SNTG1: variants seen among roughly 807,000 people sequenced by gnomAD.
SNTG1 encodes the protein syntrophin gamma 1.
In SNTG1, 39 loss-of-function variants were observed where a neutral mutation model predicts 74.7. That is an observed-to-expected ratio of 0.52 (90% confidence interval 0.40 to 0.68). SNTG1 has a LOEUF of 0.68. SNTG1 is among the 30% of genes least tolerant of loss of function. The pLI, the probability that SNTG1 is intolerant of heterozygous loss-of-function variation, is 0.00. For synonymous variants in SNTG1, 254 were observed against 217.1 expected (o/e 1.17, Z -1.49); for missense variants, 685 against 609.5 (o/e 1.12, Z -1.30).
intron 1 of SNTG1, among the ~76,000 whole-genome samples, chr8:49,951,873 C>CAAAAAAAAAAAAAAA (rs5891338): frequency 2.0e-4 from 11 of 56,298 alleles, no homozygotes; most frequent in African/African-American, 2.8e-4. Flanking sequence ...GGAAAATTCA[C>CAAAAAAAAAAAAAAA]AAAAAAAAAA....
At chr8:50,272,944 A>G (rs1347552099) in intron 2 of SNTG1, among the ~76,000 whole-genome samples, 1 of 151,304 alleles carries the variant, frequency 6.6e-6, no homozygotes, top group Non-Finnish European at 1.5e-5. Flanking sequence ...GAGTCTCGCT[A>G]TATTACCCAG....
intron 1 of SNTG1, among the ~76,000 whole-genome samples, chr8:50,166,856 C>T (rs927884974): frequency 4.0e-5 from 6 of 151,290 alleles, no homozygotes; most frequent in Non-Finnish European, 5.9e-5. Context: ...ACAATAGCAG[C>T]GACTTGGAAC....
chr8:50,462,372 CAT>C (rs2093571003), intron 8 of SNTG1, among the ~76,000 whole-genome samples: 1 of 140,178 alleles, frequency 7.1e-6, no homozygotes, highest in Non-Finnish European at 1.6e-5. Context: ...CTCAGTGAGT[CAT>C]AATCTTTTTG....
intron 2 of SNTG1, among the ~76,000 whole-genome samples, chr8:50,173,268 G>A (rs1210465452): frequency 6.6e-6 from 1 of 152,146 alleles, no homozygotes; most frequent in Non-Finnish European, 1.5e-5. Flanking sequence ...CTTTAGGAAG[G>A]AATCATACAC....
intron 1 of SNTG1, among the ~76,000 whole-genome samples, chr8:49,937,356 CG>C (rs1340235706): frequency 7.2e-5 from 11 of 152,208 alleles, no homozygotes; most frequent in African/African-American, 2.6e-4. Context: ...TAGAGGCCTG[CG>C]GGGACTTTTA....
At chr8:50,205,331 C>A (rs552216313) in intron 2 of SNTG1, among the ~76,000 whole-genome samples, 1 of 152,156 alleles carries the variant, frequency 6.6e-6, no homozygotes, top group Non-Finnish European at 1.5e-5. Flanking sequence ...TGATGATGAA[C>A]ATTTTTTCAT....
At chr8:50,774,603 A>T (rs1563826026) in intron 18 of SNTG1, among the ~76,000 whole-genome samples, 1 of 151,892 alleles carries the variant, frequency 6.6e-6, no homozygotes, top group Non-Finnish European at 1.5e-5. Context: ...TAATTTTTAG[A>T]TAATAACTTG....
At chr8:50,644,917 T>C (rs1056317028) in intron 13 of SNTG1, among the ~76,000 whole-genome samples, 2 of 139,230 alleles carry the variant, frequency 1.4e-5, no homozygotes, top group African/African-American at 2.9e-5. Flanking sequence ...TATGCCCAGG[T>C]GCTTTTTTTT....
At chr8:50,082,570 TA>T (rs1324233283) in intron 1 of SNTG1, among the ~76,000 whole-genome samples, 1 of 152,172 alleles carries the variant, frequency 6.6e-6, no homozygotes, top group African/African-American at 2.4e-5. Flanking sequence ...GGGTTCATCT[TA>T]AGAGCGGTAA....
At chr8:50,644,759 C>T (rs894488163) in intron 13 of SNTG1, among the ~76,000 whole-genome samples, 1 of 152,112 alleles carries the variant, frequency 6.6e-6, no homozygotes, top group African/African-American at 2.4e-5. Flanking sequence ...GATTTAGAGA[C>T]TTGACATTAA....
At chr8:50,085,380 A>C (rs1563570341) in intron 1 of SNTG1, among the ~76,000 whole-genome samples, 1 of 152,222 alleles carries the variant, frequency 6.6e-6, no homozygotes, top group Non-Finnish European at 1.5e-5. Context: ...AGTTAGTACC[A>C]GAATGCCTTT....
At chr8:50,782,784 G>T (rs2095663613) in intron 18 of SNTG1, among the ~76,000 whole-genome samples, 1 of 152,148 alleles carries the variant, frequency 6.6e-6, no homozygotes, top group South Asian at 2.1e-4. Flanking sequence ...AGGTGCTCCG[G>T]TTTTTAGAGT....
intron 3 of SNTG1, among the ~76,000 whole-genome samples, chr8:50,400,936 G>C (rs13260506): frequency 0.16 from 23,850 of 151,962 alleles, 2,335 homozygotes; most frequent in Middle Eastern, 0.26. Flanking sequence ...ACAAATAGCT[G>C]GAAGAGAGGG....
chr8:50,571,760 G>A (rs747749551), intron 12 of SNTG1, among the ~76,000 whole-genome samples: 1 of 152,180 alleles, frequency 6.6e-6, no homozygotes, highest in Non-Finnish European at 1.5e-5. Flanking sequence ...TAGGTGATTC[G>A]CTCTCACCTC....
chr8:50,660,409 GA>G (rs369058290), intron 15 of SNTG1, among the ~76,000 whole-genome samples: 150 of 71,428 alleles, frequency 2.1e-3, no homozygotes, highest in African/African-American at 4.5e-3. Flanking sequence ...GAGAAAGAAA[GA>G]AAAGAAAGAA....
chr8:50,498,369 C>A (rs565434068), intron 8 of SNTG1, among the ~76,000 whole-genome samples: 1 of 151,828 alleles, frequency 6.6e-6, no homozygotes, highest in East Asian at 1.9e-4. Flanking sequence ...TTATGTTAAG[C>A]ATATTTTAAT....
At chr8:50,459,846 T>G (rs13274680) in intron 8 of SNTG1, among the ~76,000 whole-genome samples, 5 of 152,078 alleles carry the variant, frequency 3.3e-5, no homozygotes, top group Admixed American at 3.3e-4. Flanking sequence ...GACACGATTT[T>G]TTTCTTTTTT....
chr8:50,012,221 C>A (rs1487986270), intron 1 of SNTG1, among the ~76,000 whole-genome samples: 1 of 152,212 alleles, frequency 6.6e-6, no homozygotes, highest in African/African-American at 2.4e-5. Flanking sequence ...TGGACGTTGC[C>A]TGCATCTTCT....
chr8:50,538,185 G>A (rs1469533876), intron 11 of SNTG1, among the ~76,000 whole-genome samples: 1 of 152,166 alleles, frequency 6.6e-6, no homozygotes, highest in Non-Finnish European at 1.5e-5. Flanking sequence ...CTTCCATTAA[G>A]ATTCCTTTAT....
Sources: gnomAD v4.1 joint callset for allele counts (sites outside exome capture counted in the v4.1 genomes callset) on GRCh38, gnomAD v4.1.1 for gene constraint, MANE v1.5 for transcripts, NCBI Gene and HGNC (gene_info 2026-07-23, HGNC 2026-07-21) for gene names.